The following RPTOR variants were observed in gnomAD, a reference collection of about 807,000 sequenced individuals.
RPTOR encodes the protein regulatory-associated protein of mTOR.
Under a neutral mutation model 169.9 loss-of-function variants are expected in RPTOR, and 21 were observed. That is an observed-to-expected ratio of 0.12 (90% CI 0.09 to 0.18). RPTOR has a LOEUF of 0.18. Ranked by LOEUF, RPTOR falls within the 10% of genes least tolerant of loss-of-function variation. The pLI is 1.00. For missense variants in RPTOR, 1,133 were observed against 1,855.9 expected, an observed-to-expected ratio of 0.61 and a Z score of 7.16; for synonymous variants, 732 against 753.2, an observed-to-expected ratio of 0.97 and a Z score of 0.46.
rs373267400 is a variant in RPTOR, at chr17:80,773,091, G to A, written c.831-18359G>A. ...GCATGCGCTGGCACTGGGCTATTGG[G>A]AGGCACAGAGTTGTTCCTGGGTCTC... On this transcript the variant is annotated intron_variant, in intron 6 of 33. Coordinates refer to ENST00000306801, the MANE Select transcript of RPTOR (RefSeq NM_020761.3). 1.6e-3 allele frequency among the ~76,000 whole-genome samples: 248 copies of A among 152,216 alleles called. 10 individuals are homozygous for A. The South Asian group carries it at 0.049, about 30-fold the overall frequency.
At chr17:80,914,848 G>A (rs1210152370) in intron 21 of RPTOR, among the ~76,000 whole-genome samples, 1 of 152,238 alleles carries the variant, frequency 6.6e-6, no homozygotes, top group Non-Finnish European at 1.5e-5. Context: ...GAAAGGGGCA[G>A]GTCCCCAGTG....
At chr17:80,848,705 T>C (rs1176607167) in intron 11 of RPTOR, among the ~76,000 whole-genome samples, 2 of 152,210 alleles carry the variant, frequency 1.3e-5, no homozygotes, top group Non-Finnish European at 2.9e-5. Context: ...CTTCCTACTA[T>C]TTGAGCAATG....
intron 13 of RPTOR, among the ~76,000 whole-genome samples, chr17:80,868,254 CA>C (rs2068015015): frequency 6.6e-6 from 1 of 152,106 alleles, no homozygotes; most frequent in Non-Finnish European, 1.5e-5. Flanking sequence ...CACAAGCAGA[CA>C]AAGAAAATTG....
At chr17:80,954,910 A>G (rs1206207154) in intron 28 of RPTOR, among the ~76,000 whole-genome samples, 1 of 152,156 alleles carries the variant, frequency 6.6e-6, no homozygotes, top group African/African-American at 2.4e-5. Flanking sequence ...GTGTGAGACT[A>G]CATCTCAAAA....
chr17:80,927,462 A>G (rs1301889340), intron 24 of RPTOR, among the ~76,000 whole-genome samples: 1 of 152,200 alleles, frequency 6.6e-6, no homozygotes, highest in Non-Finnish European at 1.5e-5. Context: ...AATGGCATAG[A>G]TAATCCAAAA....
At chr17:80,598,256 A>G (rs118182693) in intron 1 of RPTOR, among the ~76,000 whole-genome samples, 3,807 of 152,280 alleles carry the variant, frequency 0.025, 55 homozygotes, top group South Asian at 0.039. Flanking sequence ...CCATTTCAAC[A>G]TGGAGGAGTA....
At chr17:80,556,576 A>G (rs950282098) in intron 1 of RPTOR, among the ~76,000 whole-genome samples, 6 of 152,128 alleles carry the variant, frequency 3.9e-5, no homozygotes, top group Non-Finnish European at 7.4e-5. Context: ...GTAGGAATGG[A>G]CGATAGAGCA....
intron 3 of RPTOR, among the ~76,000 whole-genome samples, chr17:80,694,791 C>T (rs368691548): frequency 1.3e-5 from 2 of 152,202 alleles, no homozygotes; most frequent in South Asian, 2.1e-4. Flanking sequence ...CCCATTCTGG[C>T]GGTTCCTGGC....
intron 3 of RPTOR, among the ~76,000 whole-genome samples, chr17:80,697,488 T>A (rs939481012): frequency 7.9e-5 from 12 of 152,348 alleles, no homozygotes; most frequent in Admixed American, 5.9e-4. Context: ...CTACCTCCCA[T>A]CGGTATCAGA....
At chr17:80,829,362 G>A (rs2589137) in intron 9 of RPTOR, among the ~76,000 whole-genome samples, 1 of 152,360 alleles carries the variant, frequency 6.6e-6, no homozygotes, top group South Asian at 2.1e-4. Flanking sequence ...GCTGTGCTCA[G>A]TCCAACCGGG....
chr17:80,934,026 A>C (rs564062751), intron 24 of RPTOR, among the ~76,000 whole-genome samples: 3 of 150,562 alleles, frequency 2.0e-5, no homozygotes, highest in Non-Finnish European at 4.4e-5. Context: ...TCACTACTTT[A>C]TGTCCATAAA....
At chr17:80,912,666 A>ATTGTACTCGGCAGCCT in intron 21 of RPTOR, among the ~76,000 whole-genome samples, 1 of 152,120 alleles carries the variant, frequency 6.6e-6, no homozygotes, top group Admixed American at 6.5e-5. Context: ...GCCCTTTTGG[A>ATTGTACTCGGCAGCCT]TTGTGTGTGA....
intron 27 of RPTOR, among the ~76,000 whole-genome samples, chr17:80,948,105 C>A (rs545981000): frequency 1.9e-3 from 297 of 152,322 alleles, no homozygotes; most frequent in Non-Finnish European, 3.1e-3. Context: ...GAGCGCTGGG[C>A]GGGAGGCAGG....
Position 80,690,792 on chromosome 17 carries a change from T to C in RPTOR, c.349-17049T>C, listed in dbSNP as rs533889713. Reference sequence around the variant, plus strand: ...TAGAGATTATGAAAAGATGGTGTTATTGTTTCATTCCTTTTTTTGCAACAG... The same window carrying C: ...TAGAGATTATGAAAAGATGGTGTTACTGTTTCATTCCTTTTTTTGCAACAG... On this transcript the variant is annotated intron_variant, in intron 3 of 33. Transcript: ENST00000306801. Among the ~76,000 whole-genome samples the C allele has an allele frequency of 1.1e-3, 167 of 152,158 alleles. 1 individual carries two copies. The highest frequency in any genetic ancestry group is 5.2e-3 in the Admixed American group (80 of 15,282).
chr17:80,960,238 G>A lies in RPTOR; in HGVS notation c.3605+33G>A, dbSNP rs186360551. On this transcript the variant is annotated intron_variant, in intron 30 of 33. Transcript: ENST00000306801. This position sits in a 1 kb window ranked among gnomAD's most constrained non-coding sequence, Gnocchi z 4.8. Reference sequence around the variant, plus strand: ...GACCCTGTCCTCTCCCTCCCCGAGTGCTGGCAGGGTACCTTCCAGGTGGTA... The same window carrying A: ...GACCCTGTCCTCTCCCTCCCCGAGTACTGGCAGGGTACCTTCCAGGTGGTA... 2 of 1,611,950 alleles carry A rather than the reference G, an allele frequency of 1.2e-6. No homozygotes were observed. The highest frequency in any genetic ancestry group is 1.1e-5 in the South Asian group (1 of 91,026).
rs187215748 is a variant in RPTOR, at chr17:80,863,283, C to T, written c.1509+5383C>T. The stretch of plus-strand genomic sequence containing the variant: ...TCCAGGATTCTCCCAGGACTCTGAT[C>T]CCAGAGGGCCTCCCCCAGCATCACT... On this transcript the variant is annotated intron_variant, in intron 13 of 33. Coordinates refer to ENST00000306801, the MANE Select transcript of RPTOR (RefSeq NM_020761.3). Among the ~76,000 whole-genome samples the T allele has an allele frequency of 3.3e-3, 496 of 152,238 alleles. 2 individuals are homozygous for T. Among genetic ancestry groups the T allele is most frequent in the African/African-American group, 0.012 (481 of 41,520 alleles).
chr17:80,730,646 T>C lies in RPTOR; in HGVS notation c.594T>C (p.Asn198=). The C allele has an allele frequency of 6.2e-7, 1 of 1,614,018 alleles. No individual in the cohort carries two copies. The highest frequency in any genetic ancestry group is 8.5e-7 in the Non-Finnish European group (1 of 1,180,012). Residue 198 remains asparagine (N), a synonymous_variant, in exon 5 of 34, where the codon AAT becomes AAC. Coordinates refer to ENST00000306801, the MANE Select transcript of RPTOR (RefSeq NM_020761.3). This position sits in a 1 kb window ranked among gnomAD's most constrained non-coding sequence, Gnocchi z 4.2. ...SPSIFVYDCS[N]AGLIVKSFKQ... The stretch of plus-strand genomic sequence containing the variant: ...CGATCTTCGTCTACGACTGCTCCAA[T>C]GCTGGCTTGATCGTCAAGTCCTTCA...
At chr17:80,650,917 G>A (rs1003900708) in intron 3 of RPTOR, among the ~76,000 whole-genome samples, 1 of 152,204 alleles carries the variant, frequency 6.6e-6, no homozygotes, top group Non-Finnish European at 1.5e-5. Context: ...TACTTTTAGA[G>A]AGAAGTAGGG....
rs928621080 is a variant in RPTOR, at chr17:80,860,329, A to G, written c.1509+2429A>G. On this transcript the variant is annotated intron_variant, in intron 13 of 33. Coordinates refer to ENST00000306801, the MANE Select transcript of RPTOR (RefSeq NM_020761.3). The surrounding 1 kb of genome is among the most constrained non-coding windows in gnomAD (Gnocchi z 5.8). ...GGCACTGGCAGGCACCCCGAGCCAC[A>G]GGCTCGTACCCCGCACTGTGCGCTC... 6.6e-5 allele frequency among the ~76,000 whole-genome samples: 10 copies of G among 152,206 alleles called. No individual in the cohort carries two copies. The highest frequency in any genetic ancestry group is 2.2e-4 in the African/African-American group (9 of 41,462).
Sources: gnomAD v4.1 joint callset for allele counts (sites outside exome capture counted in the v4.1 genomes callset) on GRCh38, gnomAD v4.1.1 for gene constraint, Gnocchi (gnomAD v3.1) non-coding constraint, MANE v1.5 for transcripts, NCBI Gene and HGNC (gene_info 2026-07-23, HGNC 2026-07-21) for gene names.